Variants in SAMD4A observed in about 807,000 individuals in gnomAD.
SAMD4A encodes sterile alpha motif domain containing 4A, also known as protein Smaug homolog 1.
Under a neutral mutation model 81.3 loss-of-function variants are expected in SAMD4A, and 33 were observed. That is an observed-to-expected ratio of 0.41 (90% confidence interval 0.31 to 0.54). The LOEUF is 0.54. SAMD4A is among the 20% of genes least tolerant of loss of function. SAMD4A has a pLI of 0.37. For missense variants in SAMD4A, 854 were observed against 951.1 expected, an observed-to-expected ratio of 0.90 and a Z score of 1.34; for synonymous variants, 389 against 382.1, an observed-to-expected ratio of 1.02 and a Z score of -0.21.
chr14:54,773,422 G>A (rs1169280670), intron 9 of SAMD4A, among the ~76,000 whole-genome samples: 1 of 152,178 alleles, frequency 6.6e-6, no homozygotes, highest in Non-Finnish European at 1.5e-5. Context: ...GCCACTGGAG[G>A]TAAAACATTT....
rs373276867 is a variant in SAMD4A, at chr14:54,760,232, G to C, written c.1248G>C (p.Lys416Asn). 2 of 1,613,390 alleles carry C rather than the reference G, an allele frequency of 1.2e-6. No homozygotes were observed. The highest frequency in any genetic ancestry group is 3.3e-5 in the Admixed American group (2 of 60,008). Residue 416 changes from lysine (K) to asparagine (N), a missense_variant, in exon 7 of 13, where the codon AAG (lysine) becomes AAC (asparagine). Lys to Asn is a moderately conservative substitution (Grantham distance 94). Transcript: ENST00000554335. ...ACCAGATGATCCTGACTCCGATCAA[G>C]GCCTACAGCTCCCCGAGCACCACCC... Reference protein sequence around the residue: ...ELHQMILTPIKAYSSPSTTPE... With the variant: ...ELHQMILTPINAYSSPSTTPE...
intron 9 of SAMD4A, among the ~76,000 whole-genome samples, chr14:54,774,226 G>A (rs1039101696): frequency 6.6e-6 from 1 of 152,214 alleles, no homozygotes; most frequent in Non-Finnish European, 1.5e-5. Flanking sequence ...CAAGGATTAC[G>A]CGCTGTTTTA....
At chr14:54,715,402 G>T (rs75622238) in intron 3 of SAMD4A, among the ~76,000 whole-genome samples, 7 of 152,100 alleles carry the variant, frequency 4.6e-5, no homozygotes, top group African/African-American at 1.2e-4. Flanking sequence ...TGGGCTGGGT[G>T]GGGGAGGAGA....
At chr14:54,747,437 G>A (rs567813528) in intron 4 of SAMD4A, among the ~76,000 whole-genome samples, 49 of 152,350 alleles carry the variant, frequency 3.2e-4, no homozygotes, top group African/African-American at 1.1e-3. Flanking sequence ...CCTGATTTCA[G>A]AATAGTCCAG....
intron 2 of SAMD4A, among the ~76,000 whole-genome samples, chr14:54,600,881 G>A (rs908961339): frequency 6.6e-5 from 10 of 152,168 alleles, no homozygotes; most frequent in Non-Finnish European, 1.2e-4. Context: ...GCATTTTATC[G>A]TATTAGCACC....
At chr14:54,732,487 A>G (rs2037582364) in intron 3 of SAMD4A, among the ~76,000 whole-genome samples, 1 of 152,326 alleles carries the variant, frequency 6.6e-6, no homozygotes, top group South Asian at 2.1e-4. Context: ...TGTTCATAAC[A>G]TTTTTAAAGC....
chr14:54,676,953 G>T (rs760684681), intron 2 of SAMD4A, among the ~76,000 whole-genome samples: 1 of 152,204 alleles, frequency 6.6e-6, no homozygotes, highest in African/African-American at 2.4e-5. Flanking sequence ...TCCCACTGAA[G>T]CCAGAGATCC....
chr14:54,706,102 CTT>C (rs2036844569), intron 3 of SAMD4A, among the ~76,000 whole-genome samples: 1 of 151,980 alleles, frequency 6.6e-6, no homozygotes, highest in Non-Finnish European at 1.5e-5. Context: ...AATCCCAACA[CTT>C]TGGGAGGCCA....
In SAMD4A at chr14:54,774,868, A is replaced by G. The variant is rs1320878944; in HGVS notation, c.1716-66A>G. On this transcript the variant is annotated intron_variant, in intron 9 of 12. Transcript: ENST00000554335. ...ACCTCCAAGGCGACATCCCTTGGGA[A>G]GCCTGTGGCTTAAAAAGGGCTGAAT... The G allele has an allele frequency of 2.7e-6, 4 of 1,503,214 alleles. No individual in the cohort carries two copies. The African/African-American group carries it at 5.6e-5, about 21-fold the overall frequency. 93.1% of individuals were successfully genotyped at this position (1,503,214 alleles called of 1,614,324 possible).
At chr14:54,720,075 A>C (rs1324683642) in intron 3 of SAMD4A, among the ~76,000 whole-genome samples, 2 of 152,070 alleles carry the variant, frequency 1.3e-5, no homozygotes, top group Admixed American at 1.3e-4. Context: ...TTTTACTTTT[A>C]ATCTTTCTGT....
At chr14:54,626,049 TGTGTGTGTGTGCGCGCGCGCGCGC>T (rs1220812741) in intron 2 of SAMD4A, among the ~76,000 whole-genome samples, 82 of 128,254 alleles carry the variant, frequency 6.4e-4, no homozygotes, top group African/African-American at 1.3e-3. Flanking sequence ...TGTGTGTGTG[TGTGTGTGTGTGCGCGCGCGCGCGC>T]GCGAGTGCGC....
chr14:54,589,614 A>C (rs1366021319), intron 2 of SAMD4A, among the ~76,000 whole-genome samples: 1 of 152,166 alleles, frequency 6.6e-6, no homozygotes, highest in Admixed American at 6.5e-5. Context: ...TCATTCATTC[A>C]CTAATTTTTA....
At chr14:54,648,907 G>A (rs2035344281) in intron 2 of SAMD4A, among the ~76,000 whole-genome samples, 1 of 152,206 alleles carries the variant, frequency 6.6e-6, no homozygotes, top group African/African-American at 2.4e-5. Flanking sequence ...GGGAGAGGCG[G>A]TGGCTCAGAC....
intron 2 of SAMD4A, among the ~76,000 whole-genome samples, chr14:54,692,796 G>T (rs903067359): frequency 1.3e-5 from 2 of 150,826 alleles, no homozygotes; most frequent in Admixed American, 6.6e-5. Context: ...GTCGAGTGAG[G>T]TAACATTTTT....
In SAMD4A at chr14:54,776,598, T is replaced by C. The variant is rs573142579; in HGVS notation, c.2044+58T>C. The C allele has an allele frequency of 1.8e-4, 262 of 1,448,102 alleles. 1 individual carries two copies. The African/African-American group carries it at 3.4e-3, about 19-fold the overall frequency. 89.7% of individuals were successfully genotyped at this position (1,448,102 alleles called of 1,614,324 possible). ...AGAGGGGAGGCCAAAATAGATGCCC[T>C]AGCAAACCCAGCCAGAAAGTGCTTA... On this transcript the variant is annotated intron_variant, in intron 11 of 12. Coordinates refer to ENST00000554335, the MANE Select transcript of SAMD4A (RefSeq NM_015589.6).
intron 2 of SAMD4A, among the ~76,000 whole-genome samples, chr14:54,587,485 G>A (rs1311507998): frequency 2.6e-5 from 4 of 152,124 alleles, no homozygotes; most frequent in Non-Finnish European, 5.9e-5. Flanking sequence ...TGGTGAAAGT[G>A]GGTATCCTCG....
chr14:54,674,004 A>C (rs945721523), intron 2 of SAMD4A, among the ~76,000 whole-genome samples: 2 of 152,204 alleles, frequency 1.3e-5, no homozygotes, highest in Non-Finnish European at 2.9e-5. Context: ...CTTAGGGCAC[A>C]TAGAATTAAG....
chr14:54,710,867 G>A (rs1318949686), intron 3 of SAMD4A, among the ~76,000 whole-genome samples: 1 of 152,208 alleles, frequency 6.6e-6, no homozygotes, highest in African/African-American at 2.4e-5. Context: ...CAGCACCTGG[G>A]ATAATGTGTG....
chr14:54,614,348 T>C (rs1309525710), intron 2 of SAMD4A, among the ~76,000 whole-genome samples: 1 of 152,196 alleles, frequency 6.6e-6, no homozygotes, highest in Non-Finnish European at 1.5e-5. Context: ...TCAGTTATAA[T>C]CCACATAAAC....
Sources: gnomAD v4.1 joint callset for allele counts (sites outside exome capture counted in the v4.1 genomes callset) on GRCh38, gnomAD v4.1.1 for gene constraint, MANE v1.5 for transcripts, NCBI Gene and HGNC (gene_info 2026-07-23, HGNC 2026-07-21) for gene names.